Variants in MUC17 observed in about 807,000 individuals in gnomAD.
MUC17 encodes the protein mucin 17, cell surface associated.
Under a neutral mutation model 170.3 loss-of-function variants are expected in MUC17, and 190 were observed. The ratio of observed to expected loss-of-function variants is 1.12; its 90% CI spans 0.99 to 1.26. The LOEUF is 1.26. Ranked by LOEUF, MUC17 falls within the 50% of genes most tolerant of loss-of-function variation. The pLI is 0.00. For synonymous variants in MUC17, 2,325 were observed against 2,002.5 expected (o/e 1.16, Z -4.30); for missense variants, 6,415 against 5,530.0 (o/e 1.16, Z -5.08).
Position 101,035,582 on chromosome 7 carries a change from CA to C in MUC17, c.4169del (p.Asn1390IlefsTer9). ...TTSEGTSMPN[S>X]NPSEGTTPLT... Reference sequence around the variant, plus strand: ...TCTGAAGGTACCAGCATGCCAAACTCAAATCCTAGTGAAGGAACCACTCCGT... The same window carrying C: ...TCTGAAGGTACCAGCATGCCAAACTCAATCCTAGTGAAGGAACCACTCCGT... On this transcript the variant is annotated frameshift_variant, in exon 3 of 13. Transcript: ENST00000306151. LOFTEE classifies it high-confidence loss of function. 5 of 1,613,508 alleles carry C rather than the reference CA, an allele frequency of 3.1e-6. No homozygotes were observed. Among genetic ancestry groups the C allele is most frequent in the Non-Finnish European group, 4.2e-6 (5 of 1,179,850 alleles).
chr7:101,039,760 G>T lies in MUC17; in HGVS notation c.8344G>T (p.Val2782Phe). 10 of 1,610,228 alleles carry T rather than the reference G, an allele frequency of 6.2e-6. No individual in the cohort carries two copies. The highest frequency in any genetic ancestry group is 8.5e-6 in the Non-Finnish European group (10 of 1,177,804). Residue 2782 changes from valine (V) to phenylalanine (F), a missense_variant, in exon 3 of 13, where the codon GTC (valine) becomes TTC (phenylalanine). Val to Phe is a conservative substitution (Grantham distance 50). Transcript: ENST00000306151. ...AACTGCTGTTGACACCAGCATACCT[G>T]TCACCACTTCTACTGAAGCCAGTTC... ...STTAVDTSIP[V>F]TTSTEASSSP...
intron 1 of MUC17, among the ~76,000 whole-genome samples, chr7:101,025,873 G>A (rs1794171184): frequency 6.6e-6 from 1 of 151,682 alleles, no homozygotes; most frequent in South Asian, 2.1e-4. Context: ...TTGAAGGATT[G>A]CTTGAACCCA....
chr7:101,035,740 G>C lies in MUC17; in HGVS notation c.4324G>C (p.Gly1442Arg). The C allele has an allele frequency of 6.2e-7, 1 of 1,610,982 alleles. No individual in the cohort carries two copies. The highest frequency in any genetic ancestry group is 2.2e-5 in the East Asian group (1 of 44,840). ...CACTTCATCTCCTACAACTGCTGAA[G>C]GTATCAGCATACCAACCTCAACTCC... ...EATSSPTTAE[G>R]ISIPTSTPSE... Residue 1442 changes from glycine (G) to arginine (R), a missense_variant, in exon 3 of 13, where the codon GGT (glycine) becomes CGT (arginine). Physicochemically the swap from Gly to Arg is moderately radical, Grantham distance 125. Coordinates refer to ENST00000306151, the MANE Select transcript of MUC17 (RefSeq NM_001040105.2).
Position 101,042,407 on chromosome 7 carries a change from C to T in MUC17, c.10991C>T (p.Thr3664Ile). 6.2e-7 allele frequency: 1 copy of T among 1,614,140 alleles called. No homozygotes were observed. The highest frequency in any genetic ancestry group is 1.1e-5 in the South Asian group (1 of 91,080). The change falls in exon 3 of 13, where the codon ACA becomes ATA. Residue 3664 changes from threonine to isoleucine, a missense_variant. By Grantham distance (89) the Thr-to-Ile change is moderately conservative. Transcript: ENST00000306151. ...TCAACACTTCCTGTTGACACCAGCA[C>T]ACCTGTGATCACTTCTACCCAAGTC... ...TASTLPVDTS[T>I]PVITSTQVSS... is the part of the protein sequence containing the mutation.
At position 101,031,748 on chromosome 7, in the gene MUC17, C is replaced by T. The variant is rs1794283398; in HGVS notation, c.332C>T (p.Thr111Ile). The T allele has an allele frequency of 6.2e-7, 1 of 1,607,350 alleles. No individual in the cohort carries two copies. ...DTPGVSSTRM[T>I]PTESRTTSES... ...CCTGGTGTCTCCAGTACCAGGATGA[C>T]ACCAACAGAATCCAGAACAACTTCA... is the stretch of plus-strand genomic sequence containing the variant. The change falls in exon 3 of 13, where the codon ACA (threonine) becomes ATA (isoleucine). Residue 111 changes from threonine to isoleucine, a missense_variant. Transcript: ENST00000306151.
In MUC17 at chr7:101,035,525, C is replaced by A. The variant is rs1195105192; in HGVS notation, c.4109C>A (p.Thr1370Asn). The change falls in exon 3 of 13, where the codon ACT (threonine) becomes AAT (asparagine). Residue 1370 changes from threonine (T) to asparagine (N), a missense_variant. Thr to Asn is a moderately conservative substitution (Grantham distance 65, BLOSUM62 0). Coordinates refer to ENST00000306151, the MANE Select transcript of MUC17 (RefSeq NM_001040105.2). ...GTTGACAACAGCACACCTGTGACCA[C>A]TTCTACTGAAGCCTGTTCATCTCCT... ...TPVDNSTPVT[T>N]STEACSSPTT... is the part of the protein sequence containing the mutation. The A allele has an allele frequency of 6.3e-7, 1 of 1,596,540 alleles. No individual in the cohort carries two copies. The highest frequency in any genetic ancestry group is 8.6e-7 in the Non-Finnish European group (1 of 1,169,264).
In MUC17 at chr7:101,032,913, C is replaced by G. The variant is rs1794337252; in HGVS notation, c.1497C>G (p.Asn499Lys). ...ASSSPPTAEVNSMPTSTPSEG... is the reference protein window; with the variant it reads ...ASSSPPTAEVKSMPTSTPSEG... ...CATCTCCTCCAACTGCTGAAGTTAA[C>G]AGCATGCCAACCTCAACTCCTAGTG... The change falls in exon 3 of 13, where the codon AAC becomes AAG. Residue 499 changes from asparagine to lysine, a missense_variant. Transcript: ENST00000306151. 1 of 1,613,912 alleles carries G rather than the reference C, an allele frequency of 6.2e-7. No individual in the cohort carries two copies. The highest frequency in any genetic ancestry group is 1.1e-5 in the South Asian group (1 of 91,056).
rs756575428 is a variant in MUC17 at position 101,040,847 on chromosome 7, C to A, written c.9431C>A (p.Ser3144Ter). ...TPVTTSTEAH[S>*]SPTTSEGTSM... ...GTGACCACTTCTACTGAAGCCCATT[C>A]ATCTCCTACAACTTCTGAAGGTACC... is the stretch of plus-strand genomic sequence containing the variant. The change falls in exon 3 of 13, where the codon TCA (serine) becomes TAA (stop). Residue 3144 changes from serine to a stop codon, truncating the protein, a stop_gained. Transcript: ENST00000306151. LOFTEE classifies it high-confidence loss of function. The A allele has an allele frequency of 5.0e-6, 8 of 1,613,834 alleles. No homozygotes were observed. The Admixed American group carries it at 1.2e-4, about 24-fold the overall frequency.
chr7:101,032,363 C>A lies in MUC17; in HGVS notation c.947C>A (p.Pro316His). The change falls in exon 3 of 13, where the codon CCT becomes CAT. Residue 316 changes from proline to histidine, a missense_variant. Coordinates refer to ENST00000306151, the MANE Select transcript of MUC17 (RefSeq NM_001040105.2). The part of the protein sequence containing the change: ...VITSTEASSS[P>H]TTAEGTSIPT... Reference sequence around the variant, plus strand: ...ACTTCTACTGAAGCCAGTTCATCTCCTACAACGGCTGAAGGCACCAGCATA... The same window carrying A: ...ACTTCTACTGAAGCCAGTTCATCTCATACAACGGCTGAAGGCACCAGCATA... 6.2e-7 allele frequency: 1 copy of A among 1,613,866 alleles called. No individual in the cohort carries two copies. The highest frequency in any genetic ancestry group is 8.5e-7 in the Non-Finnish European group (1 of 1,179,948).
chr7:101,030,984 C>G (rs1794268873), intron 1 of MUC17, 136 bp from the exon 2 acceptor site: 3 of 1,121,884 alleles, frequency 2.7e-6, no homozygotes, highest in Non-Finnish European at 1.2e-6. Context: ...GTCCTGATGG[C>G]TGATTTCTAA....
Position 101,040,043 on chromosome 7 carries a change from T to C in MUC17, c.8627T>C (p.Val2876Ala). The C allele has an allele frequency of 6.2e-7, 1 of 1,613,284 alleles. No homozygotes were observed. Among genetic ancestry groups the C allele is most frequent in the Non-Finnish European group, 8.5e-7 (1 of 1,179,778 alleles). ...EGSTLLTSIP[V>A]STTPVASSEA... ...AGTACTCTATTAACAAGTATACCTG[T>C]CAGCACCACGCCGGTGGCCAGTTCT... Residue 2876 changes from valine (V) to alanine (A), a missense_variant, in exon 3 of 13, where the codon GTC becomes GCC. By Grantham distance (64) the Val-to-Ala change is moderately conservative. Transcript: ENST00000306151.
chr7:101,046,214 G>A (rs1245645487), intron 3 of MUC17, among the ~76,000 whole-genome samples: 1 of 152,032 alleles, frequency 6.6e-6, no homozygotes, highest in Non-Finnish European at 1.5e-5. Flanking sequence ...TCACAAGTGT[G>A]GATCCTGCTC....
At chr7:101,052,920 C>T in intron 9 of MUC17, 66 bp from the exon 10 acceptor site, 18 of 1,558,030 alleles carry the variant, frequency 1.2e-5, no homozygotes, top group Admixed American at 1.8e-5. Context: ...CTGGGCAGGG[C>T]CCAGGTCTGA....
At position 101,036,951 on chromosome 7, in the gene MUC17, C is replaced by T. The variant is rs780498899; in HGVS notation, c.5535C>T (p.Val1845=). The T allele has an allele frequency of 1.3e-6, 2 of 1,584,160 alleles. No individual in the cohort carries two copies. The highest frequency in any genetic ancestry group is 1.7e-6 in the Non-Finnish European group (2 of 1,178,834). Reference sequence around the variant, plus strand: ...GTCCTGTGGTCACTTCTACAGCAGTCAGTTCATCTCCTACACCTGCTGAAG... The same window carrying T: ...GTCCTGTGGTCACTTCTACAGCAGTTAGTTCATCTCCTACACCTGCTGAAG... ...SNSPVVTSTA[V]SSSPTPAEGT... is the part of the protein sequence containing the mutation. The change falls in exon 3 of 13, where the codon GTC becomes GTT. Residue 1845 remains valine, a synonymous_variant. Coordinates refer to ENST00000306151, the MANE Select transcript of MUC17 (RefSeq NM_001040105.2).
chr7:101,031,462 C>G (rs1325383553), intron 2 of MUC17, 139 bp from the exon 3 acceptor site: 3 of 1,093,572 alleles, frequency 2.7e-6, no homozygotes. Context: ...ACTGGAGAAA[C>G]TAATTCCACT....
chr7:101,021,181 C>CT (rs60346243), intron 1 of MUC17, among the ~76,000 whole-genome samples: 2,385 of 84,166 alleles, frequency 0.028, 112 homozygotes, highest in African/African-American at 0.061. Flanking sequence ...CTGTCTCCTC[C>CT]TTTTTTTTTT....
Position 101,037,338 on chromosome 7 carries a change from C to G in MUC17, c.5922C>G (p.Ser1974Arg). 3.1e-6 allele frequency: 5 copies of G among 1,614,150 alleles called. No homozygotes were observed. Among genetic ancestry groups the G allele is most frequent in the Non-Finnish European group, 4.2e-6 (5 of 1,180,006 alleles). ...SSSPTTADGT[S>R]MPTPAYSEGS... ...CTCCTACAACTGCTGATGGTACCAGCATGCCAACCCCAGCTTATAGTGAAG... is the reference window on the plus strand; with the variant it reads ...CTCCTACAACTGCTGATGGTACCAGGATGCCAACCCCAGCTTATAGTGAAG... The change falls in exon 3 of 13, where the codon AGC (serine) becomes AGG (arginine). Residue 1974 changes from serine (S) to arginine (R), a missense_variant. Ser to Arg is a moderately radical substitution (Grantham distance 110). Coordinates refer to ENST00000306151, the MANE Select transcript of MUC17 (RefSeq NM_001040105.2).
chr7:101,048,851 C>T lies in MUC17; in HGVS notation c.12542C>T (p.Pro4181Leu), dbSNP rs182083839. The T allele has an allele frequency of 2.0e-5, 32 of 1,614,032 alleles. No homozygotes were observed. The highest frequency in any genetic ancestry group is 3.3e-4 in the Middle Eastern group (2 of 6,062). The change falls in exon 5 of 13, where the codon CCG becomes CTG. Residue 4181 changes from proline to leucine, a missense_variant. Transcript: ENST00000306151. ...EVVSSIDIGP[P>L]ETISAQMELT... is the part of the protein sequence containing the mutation. Reference sequence around the variant, plus strand: ...GTAAGTCTACCCGCCTCAGGGCCACCGGAGACTATCTCTGCCCAAATGGAA... The same window carrying T: ...GTAAGTCTACCCGCCTCAGGGCCACTGGAGACTATCTCTGCCCAAATGGAA...
At chr7:101,022,249 C>T (rs1221712506) in intron 1 of MUC17, among the ~76,000 whole-genome samples, 2 of 151,574 alleles carry the variant, frequency 1.3e-5, no homozygotes, top group Non-Finnish European at 2.9e-5. Context: ...TCACTGCAAC[C>T]TCCACCTCCC....
Sources: gnomAD v4.1 joint callset for allele counts (sites outside exome capture counted in the v4.1 genomes callset) on GRCh38, gnomAD v4.1.1 for gene constraint, MANE v1.5 for transcripts, NCBI Gene and HGNC (gene_info 2026-07-23, HGNC 2026-07-21) for gene names.